PODN: variants seen among roughly 807,000 people sequenced by gnomAD.
PODN encodes podocan proteoglycan.
In PODN, 40 loss-of-function variants were observed where a neutral mutation model predicts 52.7. That is an observed-to-expected ratio of 0.76 (90% CI 0.59 to 0.99). PODN has a LOEUF of 0.99. Among genes scored for constraint, PODN ranks in the 50% least tolerant of loss-of-function variants. The pLI, the probability that PODN is intolerant of heterozygous loss-of-function variation, is 0.00. For missense variants in PODN, 720 were observed against 815.1 expected (o/e 0.88, Z 1.42); for synonymous variants, 396 against 377.9 (o/e 1.05, Z -0.56).
intron 3 of PODN, chr1:53,072,809 C>A (rs900410930): frequency 6.6e-6 from 1 of 152,214 alleles, no homozygotes; most frequent in African/African-American, 2.4e-5. Flanking sequence ...GCCTGTAATC[C>A]CAGCACTTTG....
chr1:53,076,279 G>A (rs1164030298), intron 5 of PODN, among the ~76,000 whole-genome samples: 1 of 152,196 alleles, frequency 6.6e-6, no homozygotes, highest in Admixed American at 6.5e-5. Context: ...AGGAGCAACC[G>A]CCCCCCAGCA....
intron 1 of PODN, among the ~76,000 whole-genome samples, chr1:53,069,199 TGTTCATAGCACTGGAATTG>T (rs1407395679): frequency 6.6e-6 from 1 of 152,196 alleles, no homozygotes; most frequent in Non-Finnish European, 1.5e-5. Context: ...CCTCTTCCCA[TGTTCATAGCACTGGAATTG>T]GTTCCCAGAA....
intron 1 of PODN, among the ~76,000 whole-genome samples, chr1:53,063,150 G>T (rs1378833652): frequency 6.6e-6 from 1 of 152,222 alleles, no homozygotes; most frequent in East Asian, 1.9e-4. Context: ...GGAAGAGGAG[G>T]TGGTGGCGGG....
intron 2 of PODN, 88 bp downstream of exon 2, chr1:53,070,255 G>C: frequency 6.4e-7 from 1 of 1,565,996 alleles, no homozygotes; most frequent in Non-Finnish European, 8.6e-7. Context: ...CAAGCAAACT[G>C]TTCACCCAGA....
intron 1 of PODN, among the ~76,000 whole-genome samples, chr1:53,065,488 G>A (rs956609030): frequency 1.3e-5 from 2 of 152,160 alleles, no homozygotes; most frequent in African/African-American, 4.8e-5. Flanking sequence ...GGCGAAGCTG[G>A]AGGGACCACT....
Position 53,082,128 on chromosome 1 carries a change from AGAGGAGGAG to A in PODN, c.1818_1826del (p.Glu609_Glu611del), listed in dbSNP as rs745517558. 1 of 1,597,064 alleles carries A rather than the reference AGAGGAGGAG, an allele frequency of 6.3e-7. No homozygotes were observed. Among genetic ancestry groups the A allele is most frequent in the Non-Finnish European group, 8.5e-7 (1 of 1,171,992 alleles). On this transcript the variant is annotated inframe_deletion, in exon 10 of 11. Transcript: ENST00000312553. ...TGGGGAAGGAAAAGGAGGAGGAGGA[AGAGGAGGAG>A]GAGGAGGAAGAGGAAACAAGATAGT...
At chr1:53,082,775 A>G (rs1644314048) in intron 10 of PODN, among the ~76,000 whole-genome samples, 1 of 152,160 alleles carries the variant, frequency 6.6e-6, no homozygotes, top group African/African-American at 2.4e-5. Flanking sequence ...CAGGCAGAAC[A>G]CACACACCAC....
At position 53,077,215 on chromosome 1, in the gene PODN, C is replaced by A; in HGVS notation, c.607C>A (p.Leu203Met). ...GTCTGTGTACCTGCACAACAACAAG[C>A]TGGCAGACGCCGGGCTGCCGGACAA... ...LRSVYLHNNK[L>M]ADAGLPDNMF... Residue 203 changes from leucine to methionine, a missense_variant, in exon 6 of 11, where the codon CTG becomes ATG. Transcript: ENST00000312553. The A allele has an allele frequency of 6.2e-7, 1 of 1,613,382 alleles. No individual in the cohort carries two copies. The highest frequency in any genetic ancestry group is 8.5e-7 in the Non-Finnish European group (1 of 1,180,006).
At position 53,085,236 on chromosome 1, in the gene PODN, A is replaced by C. The variant is rs1269687870; in HGVS notation, c.*751A>C. ...GGACACAGGCACTTTTCCAATGGGC[A>C]AGCCCAGTGGAGGCAGGATGGGAGA... is the stretch of plus-strand genomic sequence containing the variant. On this transcript the variant is annotated 3_prime_UTR_variant, in exon 11 of 11. Coordinates refer to ENST00000312553, the MANE Select transcript of PODN (RefSeq NM_153703.5). 1 of 152,218 alleles carries C rather than the reference A, an allele frequency of 6.6e-6. No individual in the cohort carries two copies. Among genetic ancestry groups the C allele is most frequent in the South Asian group, 2.1e-4 (1 of 4,828 alleles). 9.4% of individuals were successfully genotyped at this position (152,218 alleles called of 1,614,324 possible).
At position 53,080,802 on chromosome 1, in the gene PODN, G is replaced by A. The variant is rs774233315; in HGVS notation, c.1587G>A (p.Leu529=). The A allele has an allele frequency of 4.3e-6, 7 of 1,614,022 alleles. No homozygotes were observed. Among genetic ancestry groups the A allele is most frequent in the African/African-American group, 1.3e-5 (1 of 74,938 alleles). ...CCGAGTCACTTGAGTACCTGTACCT[G>A]CAGAACAACAAGATTAGTGCGGTGC... ...GLPESLEYLY[L]QNNKISAVPA... is the part of the protein sequence containing the mutation. Residue 529 remains leucine, a synonymous_variant, in exon 9 of 11, where the codon CTG becomes CTA. Coordinates refer to ENST00000312553, the MANE Select transcript of PODN (RefSeq NM_153703.5).
rs1397804112 is a variant in PODN at position 53,078,604 on chromosome 1, A to T, written c.1094A>T (p.His365Leu). 5 of 1,612,924 alleles carry T rather than the reference A, an allele frequency of 3.1e-6. No individual in the cohort carries two copies. The South Asian group carries it at 4.4e-5, about 14-fold the overall frequency. Residue 365 changes from histidine to leucine, a missense_variant, in exon 8 of 11, where the codon CAC (histidine) becomes CTC (leucine). His to Leu is a moderately conservative substitution (Grantham distance 99). Coordinates refer to ENST00000312553, the MANE Select transcript of PODN (RefSeq NM_153703.5). ...FQGLKRLHTV[H>L]LYNNALERVP... ...GGCCTCAAGCGGTTGCACACGGTGC[A>T]CCTGTACAACAACGCGCTGGAGCGC...
intron 1 of PODN, among the ~76,000 whole-genome samples, chr1:53,066,095 A>G (rs1211141854): frequency 6.9e-6 from 1 of 145,650 alleles, no homozygotes; most frequent in Admixed American, 7.3e-5. Flanking sequence ...TCCTGGGCTC[A>G]GGTGATCCTC....
chr1:53,064,674 G>A (rs900385447), intron 1 of PODN, among the ~76,000 whole-genome samples: 12 of 152,176 alleles, frequency 7.9e-5, no homozygotes, highest in African/African-American at 2.9e-4. Flanking sequence ...GAGACAGTGG[G>A]TCCCACTTAC....
chr1:53,077,165 T>G (rs745701567), intron 5 of PODN, 25 bp from the exon 6 acceptor site: 26 of 1,610,314 alleles, frequency 1.6e-5, no homozygotes, highest in Middle Eastern at 1.6e-4. Context: ...CCCAGGTGGG[T>G]GAGGACCTGT....
Position 53,068,385 on chromosome 1 carries a change from G to C in PODN, c.-55-1416G>C, listed in dbSNP as rs189422842. Among the ~76,000 whole-genome samples the C allele has an allele frequency of 8.5e-5, 13 of 152,330 alleles. No homozygotes were observed. In the East Asian group the frequency reaches 2.5e-3, roughly 29 times the overall value. On this transcript the variant is annotated intron_variant, in intron 1 of 10. Coordinates refer to ENST00000312553, the MANE Select transcript of PODN (RefSeq NM_153703.5). ...GGGGAGAGAGGCTCAGCCTGAGCCA[G>C]TGCTTGTGGCCACTCAGCTCAGGAG...
intron 10 of PODN, among the ~76,000 whole-genome samples, chr1:53,082,935 T>C (rs1644316558): frequency 6.6e-6 from 1 of 152,188 alleles, no homozygotes; most frequent in African/African-American, 2.4e-5. Flanking sequence ...GGCCCTTACA[T>C]GCACACCTGC....
intron 10 of PODN, among the ~76,000 whole-genome samples, chr1:53,083,220 T>A (rs1557660149): frequency 6.6e-6 from 1 of 151,030 alleles, no homozygotes; most frequent in South Asian, 2.1e-4. Context: ...AGGGCAGAGG[T>A]GGGAATGGAG....
rs552848363 is a variant in PODN at position 53,074,559 on chromosome 1, T to C, written c.407-47T>C. Reference sequence around the variant, plus strand: ...GGTGGGCGCTTGCTGTGCTTCCCTGTGGCGTCTCCTCCATCCAGGGCTCTG... The same window carrying C: ...GGTGGGCGCTTGCTGTGCTTCCCTGCGGCGTCTCCTCCATCCAGGGCTCTG... On this transcript the variant is annotated intron_variant, in intron 3 of 10. Transcript: ENST00000312553. The C allele has an allele frequency of 1.4e-5, 22 of 1,607,634 alleles. 1 individual carries two copies. In the South Asian group the frequency reaches 1.9e-4, roughly 14 times the overall value.
At position 53,082,001 on chromosome 1, in the gene PODN, G is replaced by T. The variant is rs771795892; in HGVS notation, c.1682G>T (p.Gly561Val). The change falls in exon 10 of 11, where the codon GGC becomes GTC. Residue 561 changes from glycine to valine, a missense_variant. Transcript: ENST00000312553. ...CACAGGTTTAACAAGCTGGCTGTGGGCTCCGTGGTGGACAGTGCCTTCCGG... is the reference window on the plus strand; with the variant it reads ...CACAGGTTTAACAAGCTGGCTGTGGTCTCCGTGGTGGACAGTGCCTTCCGG... ...IFLRFNKLAVGSVVDSAFRRL... is the reference protein window; with the variant it reads ...IFLRFNKLAVVSVVDSAFRRL... 1.2e-6 allele frequency: 2 copies of T among 1,605,692 alleles called. No homozygotes were observed. The highest frequency in any genetic ancestry group is 1.7e-6 in the Non-Finnish European group (2 of 1,175,392).
Sources: gnomAD v4.1 joint callset for allele counts (sites outside exome capture counted in the v4.1 genomes callset) on GRCh38, gnomAD v4.1.1 for gene constraint, MANE v1.5 for transcripts, NCBI Gene and HGNC (gene_info 2026-07-23, HGNC 2026-07-21) for gene names.